DEPDC5: variants seen among roughly 807,000 people sequenced by gnomAD.
DEPDC5 encodes the protein DEP domain containing 5, GATOR1 subcomplex subunit.
A neutral mutation model predicts 217.3 loss-of-function variants in DEPDC5; 73 were observed. That is an observed-to-expected ratio of 0.34 (90% CI 0.28 to 0.41). DEPDC5 has a LOEUF of 0.41. Among genes scored for constraint, DEPDC5 ranks in the 10% least tolerant of loss-of-function variants. The probability of loss-of-function intolerance (pLI) is 1.00; values close to 1 mark genes in which losing one functional copy is unlikely to be tolerated. For missense variants in DEPDC5, 1,675 were observed against 2,070.1 expected (o/e 0.81, Z 3.70); for synonymous variants, 733 against 756.7 (o/e 0.97, Z 0.51).
At chr22:31,897,414 T>C (rs2093572493) in intron 39 of DEPDC5, 68 bp from the exon 40 acceptor site, 2 of 1,537,688 alleles carry the variant, frequency 1.3e-6, no homozygotes, top group South Asian at 1.3e-5. Flanking sequence ...GTTTTCTCCT[T>C]GGGAAGTATT....
At chr22:31,873,083 C>A (rs1220557157) in intron 34 of DEPDC5, 172 bp from the exon 35 acceptor site, 2 of 1,310,892 alleles carry the variant, frequency 1.5e-6, no homozygotes, top group East Asian at 2.8e-5. Flanking sequence ...AAATAGGAAA[C>A]CCCCTATGAG....
chr22:31,853,484 G>T (rs1472227531), intron 31 of DEPDC5: 2 of 152,186 alleles, frequency 1.3e-5, no homozygotes, highest in African/African-American at 4.8e-5. Context: ...TGCTTGCACA[G>T]AATTTTTTAT....
intron 27 of DEPDC5, 47 bp downstream of exon 27, chr22:31,838,892 A>T (rs2091216557): frequency 2.6e-6 from 4 of 1,556,910 alleles, no homozygotes; most frequent in Non-Finnish European, 8.7e-7. Context: ...TCTACTGTGT[A>T]TGTGGAAGTG....
intron 7 of DEPDC5, among the ~76,000 whole-genome samples, chr22:31,770,176 A>G (rs551932092): frequency 2.0e-5 from 3 of 151,812 alleles, no homozygotes; most frequent in African/African-American, 7.2e-5. Context: ...TTGGGGCTGC[A>G]GTGAGACATT....
At chr22:31,780,836 C>T (rs1443618153) in intron 8 of DEPDC5, among the ~76,000 whole-genome samples, 1 of 152,194 alleles carries the variant, frequency 6.6e-6, no homozygotes, top group Non-Finnish European at 1.5e-5. Flanking sequence ...CCTTTATATG[C>T]CACTGTTCTC....
intron 32 of DEPDC5, 91 bp downstream of exon 32, chr22:31,857,644 G>C: frequency 4.6e-6 from 5 of 1,079,176 alleles, no homozygotes; most frequent in Non-Finnish European, 6.8e-6. Context: ...ATCCGGGATT[G>C]CATGTGCAGA....
chr22:31,839,522 C>T (rs568472707), intron 27 of DEPDC5, among the ~76,000 whole-genome samples: 5 of 151,906 alleles, frequency 3.3e-5, no homozygotes, highest in East Asian at 1.9e-4. Context: ...AACAAGACCC[C>T]CCCTCCCCTG....
intron 21 of DEPDC5, among the ~76,000 whole-genome samples, chr22:31,817,796 C>CTTTT (rs541060819): frequency 6.8e-6 from 1 of 147,364 alleles, no homozygotes; most frequent in Non-Finnish European, 1.5e-5. Flanking sequence ...CTGTACTCAT[C>CTTTT]TTTTTTTTTT....
At chr22:31,856,265 A>C (rs1035009314) in intron 31 of DEPDC5, among the ~76,000 whole-genome samples, 6 of 150,686 alleles carry the variant, frequency 4.0e-5, no homozygotes, top group African/African-American at 1.5e-4. Flanking sequence ...TTCATTGCCT[A>C]TGGCAGCCCA....
At chr22:31,828,495 A>G (rs1244911099) in intron 24 of DEPDC5, among the ~76,000 whole-genome samples, 1 of 151,366 alleles carries the variant, frequency 6.6e-6, no homozygotes, top group East Asian at 1.9e-4. Flanking sequence ...CACATAATAG[A>G]TAGTTGAATG....
At chr22:31,821,918 C>A (rs2089731710) in intron 23 of DEPDC5, among the ~76,000 whole-genome samples, 2 of 152,168 alleles carry the variant, frequency 1.3e-5, no homozygotes, top group African/African-American at 4.8e-5. Flanking sequence ...TTTTCTAAAC[C>A]TCAGTCAAAG....
intron 24 of DEPDC5, among the ~76,000 whole-genome samples, chr22:31,825,588 CCTT>C (rs1211733246): frequency 6.6e-6 from 1 of 152,150 alleles, no homozygotes; most frequent in Non-Finnish European, 1.5e-5. Context: ...CTCTTCCACT[CCTT>C]CTTCTGATTG....
At chr22:31,868,143 TA>T (rs1353556257) in intron 33 of DEPDC5, among the ~76,000 whole-genome samples, 1 of 152,214 alleles carries the variant, frequency 6.6e-6, no homozygotes, top group Non-Finnish European at 1.5e-5. Context: ...TTATTATTGT[TA>T]TTTTTTTAAC....
intron 15 of DEPDC5, 112 bp from the exon 16 acceptor site, chr22:31,804,050 C>G (rs1055597582): frequency 9.4e-6 from 9 of 953,964 alleles, no homozygotes; most frequent in Non-Finnish European, 1.3e-5. Flanking sequence ...ATAAATCATA[C>G]AATGGTAAGT....
At chr22:31,858,280 A>T (rs1269450519) in intron 32 of DEPDC5, 1 of 152,226 alleles carries the variant, frequency 6.6e-6, no homozygotes, top group East Asian at 1.9e-4. Context: ...AAATGGGAGT[A>T]TCCTGGGGTG....
rs1270188861 is a variant in DEPDC5, at chr22:31,819,330, C to A, written c.1870+105C>A. The A allele has an allele frequency of 3.2e-6, 4 of 1,238,528 alleles. No individual in the cohort carries two copies. The East Asian group carries it at 7.3e-5, about 23-fold the overall frequency. The allele number at this position is 1,238,528 out of a possible 1,614,324, so 76.7% of individuals were successfully genotyped here. The stretch of plus-strand genomic sequence containing the variant: ...TGGTCAGGTGCCTCTGTTGCTCCAC[C>A]TGTAAGATGGGATAACCATGCCCAC... On this transcript the variant is annotated intron_variant, in intron 22 of 42. Coordinates refer to ENST00000651528, the MANE Select transcript of DEPDC5 (RefSeq NM_001242896.3).
intron 8 of DEPDC5, among the ~76,000 whole-genome samples, chr22:31,782,138 A>AATT (rs1569518657): frequency 7.0e-6 from 1 of 143,162 alleles, no homozygotes; most frequent in African/African-American, 2.6e-5. Flanking sequence ...TCTGAAAAAA[A>AATT]TTTTTTTTTT....
In DEPDC5 at chr22:31,792,038, G is replaced by T. The variant is rs2085721568; in HGVS notation, c.630G>T (p.Lys210Asn). 1.2e-6 allele frequency: 2 copies of T among 1,604,968 alleles called. No homozygotes were observed. The highest frequency in any genetic ancestry group is 8.5e-7 in the Non-Finnish European group (1 of 1,174,378). ...LADLFTKWKEKNCSHEVTVVL... is the reference protein window; with the variant it reads ...LADLFTKWKENNCSHEVTVVL... The stretch of plus-strand genomic sequence containing the variant: ...TGTTCTCTACTCATGCTTAGGAGAA[G>T]AACTGTAGTCATGAAGTGACAGTGG... Residue 210 changes from lysine to asparagine, a missense_variant, in exon 11 of 43, where the codon AAG becomes AAT. By Grantham distance (94) the Lys-to-Asn change is moderately conservative (BLOSUM62 0). Coordinates refer to ENST00000651528, the MANE Select transcript of DEPDC5 (RefSeq NM_001242896.3).
chr22:31,862,083 A>G (rs1289634096), intron 33 of DEPDC5, among the ~76,000 whole-genome samples: 1 of 151,830 alleles, frequency 6.6e-6, no homozygotes, highest in Non-Finnish European at 1.5e-5. Context: ...TCTACTAAAA[A>G]TACAAAAAAT....
Sources: gnomAD v4.1 joint callset for allele counts (sites outside exome capture counted in the v4.1 genomes callset) on GRCh38, gnomAD v4.1.1 for gene constraint, MANE v1.5 for transcripts, NCBI Gene and HGNC (gene_info 2026-07-23, HGNC 2026-07-21) for gene names.